SAMD12: variants seen among roughly 807,000 people sequenced by gnomAD.
SAMD12 encodes sterile alpha motif domain-containing protein 12.
A neutral mutation model predicts 15.0 loss-of-function variants in SAMD12; 9 were observed. The ratio of observed to expected loss-of-function variants is 0.60; its 90% CI spans 0.36 to 1.05. The LOEUF (loss-of-function observed/expected upper bound fraction) is 1.05. Among genes scored for constraint, SAMD12 ranks in the 50% least tolerant of loss-of-function variants. The pLI is 0.01. For synonymous variants in SAMD12, 86 were observed against 90.1 expected, an observed-to-expected ratio of 0.96 and a Z score of 0.25; for missense variants, 230 against 234.2, an observed-to-expected ratio of 0.98 and a Z score of 0.12.
chr8:118,481,689 A>G (rs969983339), intron 2 of SAMD12, among the ~76,000 whole-genome samples: 6 of 152,184 alleles, frequency 3.9e-5, no homozygotes, highest in Admixed American at 3.9e-4. Flanking sequence ...TCATAATCCC[A>G]TCCTTCAATG....
intron 1 of SAMD12, among the ~76,000 whole-genome samples, chr8:118,600,945 C>T (rs1827849377): frequency 6.6e-6 from 1 of 152,148 alleles, no homozygotes; most frequent in Admixed American, 6.5e-5. Context: ...CTTATTCCGA[C>T]TCATGACAAG....
chr8:118,525,496 C>T (rs1354463781), intron 2 of SAMD12, among the ~76,000 whole-genome samples: 1 of 152,220 alleles, frequency 6.6e-6, no homozygotes, highest in Non-Finnish European at 1.5e-5. Flanking sequence ...GCACCCTGAG[C>T]AGTGTCTGGC....
At position 118,573,648 on chromosome 8, in the gene SAMD12, T is replaced by C. The variant is rs910544378; in HGVS notation, c.192+7067A>G. Reference sequence around the variant, plus strand: ...TGGCTTTGGAAGTATCCCTTGTCCATTGTGTGGCTAATATGCCACTTGTAC... The same window carrying C: ...TGGCTTTGGAAGTATCCCTTGTCCACTGTGTGGCTAATATGCCACTTGTAC... On this transcript the variant is annotated intron_variant, in intron 2 of 3. Coordinates refer to ENST00000314727, the MANE Select transcript of SAMD12 (RefSeq NM_207506.3). Among the ~76,000 whole-genome samples the C allele has an allele frequency of 3.3e-5, 5 of 152,294 alleles. No individual in the cohort carries two copies. The East Asian group carries it at 5.8e-4, about 18-fold the overall frequency.
chr8:118,218,106 A>G (rs1217703401), intron 4 of SAMD12, among the ~76,000 whole-genome samples: 1 of 152,208 alleles, frequency 6.6e-6, no homozygotes, highest in Non-Finnish European at 1.5e-5. Flanking sequence ...GAAGACAAGT[A>G]TACTGATTAC....
intron 4 of SAMD12, among the ~76,000 whole-genome samples, chr8:118,332,725 T>C (rs10110149): frequency 0.49 from 75,133 of 152,104 alleles, 21,321 homozygotes; most frequent in African/African-American, 0.8. Context: ...GAGTAACATA[T>C]GCTTTTCTGC....
chr8:118,320,672 T>TGGG (rs71569763), intron 4 of SAMD12, among the ~76,000 whole-genome samples: 2,798 of 85,200 alleles, frequency 0.033, 150 homozygotes, highest in African/African-American at 0.091. Flanking sequence ...TGTCGTGGGG[T>TGGG]GGGGGGGGTG....
At chr8:118,435,338 C>G (rs1204053524) in intron 3 of SAMD12, among the ~76,000 whole-genome samples, 1 of 152,034 alleles carries the variant, frequency 6.6e-6, no homozygotes, top group Non-Finnish European at 1.5e-5. Context: ...TTGTTAATCT[C>G]TTACTGAACC....
the SAMD12 span, among the ~76,000 whole-genome samples, chr8:118,178,099 A>T: frequency 6.6e-6 from 1 of 152,218 alleles, no homozygotes; most frequent in Non-Finnish European, 1.5e-5. Context: ...CCATGAGTAC[A>T]GTATTTTCTT....
Position 118,384,057 on chromosome 8 carries a change from G to C in SAMD12, c.323-4357C>G, listed in dbSNP as rs1044115483. Among the ~76,000 whole-genome samples the C allele has an allele frequency of 5.9e-5, 9 of 152,244 alleles. No individual in the cohort carries two copies. In the East Asian group the frequency reaches 1.7e-3, roughly 29 times the overall value. ...TAAAAAGATGAGGGCTATTGTAGTT[G>C]GGGTGGTTAGGATAGGAAAGGCCTC... On this transcript the variant is annotated intron_variant, in intron 3 of 3. Transcript: ENST00000314727.
intron 2 of SAMD12, among the ~76,000 whole-genome samples, chr8:118,506,115 T>C (rs1563899431): frequency 6.6e-6 from 1 of 152,154 alleles, no homozygotes; most frequent in African/African-American, 2.4e-5. Flanking sequence ...CTGGTCCCTA[T>C]ACACTAGCAG....
chr8:118,140,285 T>C, the SAMD12 span, among the ~76,000 whole-genome samples: 3 of 152,144 alleles, frequency 2.0e-5, no homozygotes, highest in Middle Eastern at 3.2e-3. Context: ...TTTATTTTTT[T>C]TTTTGAGACA....
At chr8:118,302,099 T>G (rs981025960) in intron 4 of SAMD12, among the ~76,000 whole-genome samples, 2 of 146,944 alleles carry the variant, frequency 1.4e-5, no homozygotes, top group Non-Finnish European at 3.0e-5. Flanking sequence ...TTTTTTTTTT[T>G]TTTTGCTGGA....
chr8:118,357,113 A>C (rs1386729355), intron 4 of SAMD12, among the ~76,000 whole-genome samples: 1 of 152,246 alleles, frequency 6.6e-6, no homozygotes, highest in East Asian at 1.9e-4. Context: ...CCCTTGTTTA[A>C]ATTGAAAGGG....
At chr8:118,590,379 A>C (rs1338562230) in intron 1 of SAMD12, among the ~76,000 whole-genome samples, 1 of 152,228 alleles carries the variant, frequency 6.6e-6, no homozygotes, top group Non-Finnish European at 1.5e-5. Flanking sequence ...CATCTCTGTC[A>C]ATTGGTAAAG....
chr8:118,152,092 A>G, the SAMD12 span, among the ~76,000 whole-genome samples: 1 of 152,192 alleles, frequency 6.6e-6, no homozygotes, highest in African/African-American at 2.4e-5. Context: ...GACATATAAC[A>G]AAGTAGAAAA....
the SAMD12 span, among the ~76,000 whole-genome samples, chr8:118,144,556 G>C: frequency 6.6e-6 from 1 of 151,674 alleles, no homozygotes; most frequent in African/African-American, 2.4e-5. Flanking sequence ...ATGAAAATGA[G>C]TTTTAATTTT....
At chr8:118,478,909 A>T (rs1824043110) in intron 2 of SAMD12, among the ~76,000 whole-genome samples, 2 of 152,204 alleles carry the variant, frequency 1.3e-5, no homozygotes, top group South Asian at 4.1e-4. Context: ...TGTCATAATT[A>T]CTCAAGGCCA....
At chr8:118,610,142 A>G (rs184814505) in intron 1 of SAMD12, among the ~76,000 whole-genome samples, 1 of 152,294 alleles carries the variant, frequency 6.6e-6, no homozygotes, top group East Asian at 1.9e-4. Context: ...GGAAGGCAGC[A>G]TGAGAAAACA....
intron 4 of SAMD12, among the ~76,000 whole-genome samples, chr8:118,334,451 T>TCTTCCC (rs1023934468): frequency 6.6e-5 from 10 of 152,254 alleles, no homozygotes; most frequent in African/African-American, 2.2e-4. Context: ...CACAATTTCT[T>TCTTCCC]CTTCCCCTTC....
Sources: allele counts gnomAD v4.1 joint callset (sites outside exome capture counted in the v4.1 genomes callset), GRCh38; gene constraint gnomAD v4.1.1; transcripts MANE v1.5; gene names NCBI Gene and HGNC (gene_info 2026-07-23, HGNC 2026-07-21).